COL13A1: variants seen among roughly 807,000 people sequenced by gnomAD.
The protein encoded by COL13A1 is collagen type XIII alpha 1 chain.
A neutral mutation model predicts 130.9 loss-of-function variants in COL13A1; 89 were observed. The observed-to-expected ratio is 0.68, with a 90% CI of 0.57 to 0.81. The LOEUF is 0.81. COL13A1 is among the 30% of genes least tolerant of loss of function. The pLI is 0.00. For synonymous variants in COL13A1, 402 were observed against 341.6 expected (o/e 1.18, Z -1.95); for missense variants, 879 against 934.6 (o/e 0.94, Z 0.78).
Position 69,880,522 on chromosome 10 carries a change from G to A in COL13A1, c.482G>A (p.Gly161Glu). The A allele has an allele frequency of 6.2e-7, 1 of 1,613,456 alleles. No homozygotes were observed. Among genetic ancestry groups the A allele is most frequent in the South Asian group, 1.1e-5 (1 of 91,052 alleles). Residue 161 changes from glycine (G) to glutamate (E), a missense_variant, in exon 7 of 41, where the codon GGG (glycine) becomes GAG (glutamate). This residue lies in a region of COL13A1 where 715 missense variants were observed against 721.0 expected (regional missense o/e 0.99). Transcript: ENST00000645393. ...PGEKGSPGDA[G>E]LSIIGPRGPP... ...CCGCAGGGGTCCCCCGGAGACGCTG[G>A]GCTGTCCATCATTGGTCCCCGCGGC...
chr10:69,867,251 G>C (rs1299529592), intron 2 of COL13A1, among the ~76,000 whole-genome samples: 4 of 152,208 alleles, frequency 2.6e-5, no homozygotes, highest in Admixed American at 2.0e-4. Flanking sequence ...AGACCCTGGA[G>C]GGGTGAAGTG....
At chr10:69,935,318 CA>C in intron 31 of COL13A1, 31 bp from the exon 32 acceptor site, 1 of 1,564,792 alleles carries the variant, frequency 6.4e-7, no homozygotes, top group Non-Finnish European at 8.7e-7. Flanking sequence ...AGGGCCACTT[CA>C]AATGTAACAG....
rs985888177 is a variant in COL13A1 at position 69,917,295 on chromosome 10, C to T, written c.928C>T (p.Arg310Trp). The change falls in exon 18 of 41, where the codon CGG becomes TGG. Residue 310 changes from arginine to tryptophan, a missense_variant. Coordinates refer to ENST00000645393, the MANE Select transcript of COL13A1 (RefSeq NM_001368882.1). ...IQGYHGRKGERGMPGMPGKHG... is the reference protein window; with the variant it reads ...IQGYHGRKGEWGMPGMPGKHG... ...TTCTCATTTCTTCCTCCAGGGAGAACGGGGCATGCCAGGGATGCCAGGCAA... is the reference window on the plus strand; with the variant it reads ...TTCTCATTTCTTCCTCCAGGGAGAATGGGGCATGCCAGGGATGCCAGGCAA... The T allele has an allele frequency of 1.7e-5, 28 of 1,613,504 alleles. No homozygotes were observed. The highest frequency in any genetic ancestry group is 2.2e-5 in the Non-Finnish European group (26 of 1,179,706).
chr10:69,947,354 C>G lies in COL13A1; in HGVS notation c.2058+12C>G, dbSNP rs937050972. 6.2e-7 allele frequency: 1 copy of G among 1,606,850 alleles called. No individual in the cohort carries two copies. Among genetic ancestry groups the G allele is most frequent in the African/African-American group, 1.3e-5 (1 of 74,682 alleles). On this transcript the variant is annotated intron_variant, in intron 38 of 40. Coordinates refer to ENST00000645393, the MANE Select transcript of COL13A1 (RefSeq NM_001368882.1). ...ACAAGGGAAACCGGGTGAGTCTGAGCCCCTGCACTCGTGCTCTAGTTACTA... is the reference window on the plus strand; with the variant it reads ...ACAAGGGAAACCGGGTGAGTCTGAGGCCCTGCACTCGTGCTCTAGTTACTA...
chr10:69,946,095 A>C (rs1394667446), intron 37 of COL13A1, among the ~76,000 whole-genome samples: 1 of 133,356 alleles, frequency 7.5e-6, no homozygotes, highest in Non-Finnish European at 1.6e-5. Flanking sequence ...CAAACCAAAA[A>C]AAAAAAAAAA....
At chr10:69,937,758 C>A in intron 34 of COL13A1, 43 bp downstream of exon 34, 1 of 895,874 alleles carries the variant, frequency 1.1e-6, no homozygotes, top group Non-Finnish European at 1.9e-6. Flanking sequence ...TTTGATGGGC[C>A]AGGGGTGTGG....
intron 2 of COL13A1, among the ~76,000 whole-genome samples, chr10:69,823,631 A>C (rs1846701836): frequency 6.6e-6 from 1 of 152,188 alleles, no homozygotes; most frequent in Non-Finnish European, 1.5e-5. Flanking sequence ...CATATGGGAA[A>C]CGAAGGACCG....
chr10:69,952,885 G>C lies in COL13A1; in HGVS notation c.2062G>C (p.Glu688Gln), dbSNP rs776339682. ...GPPGDKGNRG[E>Q]RGKKGSRGPK... The stretch of plus-strand genomic sequence containing the variant: ...CGGACTAAACCATTATTTACAGGGG[G>C]AGAGGGGGAAGAAAGGCTCTAGAGG... Residue 688 changes from glutamate (E) to glutamine (Q), a missense_variant, in exon 39 of 41, where the codon GAG (glutamate) becomes CAG (glutamine). Transcript: ENST00000645393. 9.0e-6 allele frequency: 14 copies of C among 1,550,966 alleles called. No homozygotes were observed. The highest frequency in any genetic ancestry group is 1.2e-5 in the Non-Finnish European group (14 of 1,157,848).
At chr10:69,846,249 T>C (rs369649378) in intron 2 of COL13A1, among the ~76,000 whole-genome samples, 20 of 152,292 alleles carry the variant, frequency 1.3e-4, no homozygotes, top group African/African-American at 4.8e-4. Flanking sequence ...GACAGGGTCC[T>C]GGATGAAGAA....
At chr10:69,947,782 T>C (rs1432865824) in intron 38 of COL13A1, among the ~76,000 whole-genome samples, 1 of 152,244 alleles carries the variant, frequency 6.6e-6, no homozygotes, top group Non-Finnish European at 1.5e-5. Context: ...AGACAGTTGT[T>C]GGAAGCAGCC....
At position 69,922,665 on chromosome 10, in the gene COL13A1, C is replaced by A. The variant is rs377450246; in HGVS notation, c.1144-43C>A. 5 of 1,514,592 alleles carry A rather than the reference C, an allele frequency of 3.3e-6. No individual in the cohort carries two copies. In the African/African-American group the frequency reaches 6.9e-5, roughly 21 times the overall value. 93.8% of individuals were successfully genotyped at this position (1,514,592 alleles called of 1,614,324 possible). On this transcript the variant is annotated intron_variant, in intron 22 of 40. Coordinates refer to ENST00000645393, the MANE Select transcript of COL13A1 (RefSeq NM_001368882.1). Reference sequence around the variant, plus strand: ...TGTCCCTCCAGTGCTCAGCCTAGACCTTCCTCCACACCAGGGATGCTAACT... The same window carrying A: ...TGTCCCTCCAGTGCTCAGCCTAGACATTCCTCCACACCAGGGATGCTAACT...
chr10:69,926,046 A>G, intron 26 of COL13A1, 174 bp downstream of exon 26: 1 of 587,230 alleles, frequency 1.7e-6, no homozygotes, highest in Non-Finnish European at 3.0e-6. Flanking sequence ...CCCGCTGTGT[A>G]GCCTCCTGGG....
At chr10:69,951,331 A>G (rs1358507161) in intron 38 of COL13A1, among the ~76,000 whole-genome samples, 2 of 152,150 alleles carry the variant, frequency 1.3e-5, no homozygotes, top group Non-Finnish European at 2.9e-5. Flanking sequence ...ACTATATTCC[A>G]TTATTAAGCA....
At chr10:69,927,239 A>G in intron 27 of COL13A1, 129 bp downstream of exon 27, 1 of 1,427,314 alleles carries the variant, frequency 7.0e-7, no homozygotes, top group East Asian at 2.3e-5. Context: ...GGTTGACCCA[A>G]CAGGGCTGGG....
rs2063525226 is a variant in COL13A1, at chr10:69,912,807, C to T, written c.922-4482C>T. Among the ~76,000 whole-genome samples the T allele has an allele frequency of 3.9e-5, 6 of 152,294 alleles. 1 individual carries two copies. The South Asian group carries it at 8.3e-4, about 21-fold the overall frequency. On this transcript the variant is annotated intron_variant, in intron 17 of 40. Coordinates refer to ENST00000645393, the MANE Select transcript of COL13A1 (RefSeq NM_001368882.1). ...CTGTGCTTTCTTGCCAAGTCCCTGC[C>T]CAGCTTGTTCAACAAACAGTAAATC...
intron 10 of COL13A1, among the ~76,000 whole-genome samples, chr10:69,892,106 G>A (rs11817874): frequency 0.11 from 16,781 of 152,096 alleles, 996 homozygotes; most frequent in Middle Eastern, 0.17. Flanking sequence ...CCCCTCTCTC[G>A]TGAGCCCACA....
At position 69,813,118 on chromosome 10, in the gene COL13A1, G is replaced by C. The variant is rs185030070; in HGVS notation, c.295-9251G>C. Among the ~76,000 whole-genome samples, 48 of 152,342 alleles carry C rather than the reference G, an allele frequency of 3.2e-4. No homozygotes were observed. In the East Asian group the frequency reaches 8.5e-3, roughly 27 times the overall value. ...ATTAACCCCTAGAACATTGTAGATA[G>C]TCAATACCCATTTGTGAAAGGCAGG... On this transcript the variant is annotated intron_variant, in intron 1 of 40. Transcript: ENST00000645393.
At chr10:69,810,346 ATGAG>A (rs773765474) in intron 1 of COL13A1, among the ~76,000 whole-genome samples, 1 of 71,154 alleles carries the variant, frequency 1.4e-5, no homozygotes, top group African/African-American at 6.2e-5. Flanking sequence ...GGCCCTGAGA[ATGAG>A]AGAGAGAGAG....
Position 69,852,867 on chromosome 10 carries a change from G to C in COL13A1, c.365-14931G>C, listed in dbSNP as rs1181201424. On this transcript the variant is annotated intron_variant, in intron 2 of 40. Transcript: ENST00000645393. ...CCAAGGTGGACTCGGCCCATTGCTG[G>C]GCCTGGGGCTGCGGCTTTCCCAGTG... Among the ~76,000 whole-genome samples the C allele has an allele frequency of 4.6e-5, 7 of 152,372 alleles. No individual in the cohort carries two copies. In the East Asian group the frequency reaches 1.3e-3, roughly 29 times the overall value.
Sources: gnomAD v4.1 joint callset for allele counts (sites outside exome capture counted in the v4.1 genomes callset) on GRCh38, gnomAD v4.1.1 for gene constraint, gnomAD v4.1.1 regional missense constraint, MANE v1.5 for transcripts, NCBI Gene and HGNC (gene_info 2026-07-23, HGNC 2026-07-21) for gene names.